Variants in DDX17 observed in about 807,000 individuals in gnomAD.
DDX17 encodes the protein DEAD-box helicase 17, also known as probable ATP-dependent RNA helicase DDX17.
In DDX17, 10 loss-of-function variants were observed where a neutral mutation model predicts 80.8. The ratio of observed to expected loss-of-function variants is 0.12; its 90% CI spans 0.08 to 0.21. The LOEUF (loss-of-function observed/expected upper bound fraction) is 0.21. Ranked by LOEUF, DDX17 falls within the 10% of genes least tolerant of loss-of-function variation. The pLI is 1.00. For synonymous variants in DDX17, 339 were observed against 336.2 expected (o/e 1.01, Z -0.09); for missense variants, 586 against 957.4 (o/e 0.61, Z 5.12).
At chr22:38,501,377 C>A in intron 1 of DDX17, 97 bp from the exon 2 acceptor site, 1 of 1,357,222 alleles carries the variant, frequency 7.4e-7, no homozygotes, top group Non-Finnish European at 9.8e-7. Flanking sequence ...TCTAGGGATA[C>A]TACCAGCCTA....
chr22:38,502,077 G>C (rs2089836278), intron 1 of DDX17, among the ~76,000 whole-genome samples: 1 of 152,216 alleles, frequency 6.6e-6, no homozygotes, highest in Non-Finnish European at 1.5e-5. Flanking sequence ...TCTTGGAAAG[G>C]ACTGGTAGAC....
In DDX17 at chr22:38,506,228, C is replaced by T; in HGVS notation, c.10G>A (p.Gly4Ser). ...ACACAGAGAATCGGGGCTACAAAGC[C>T]GGTGGGCAGGTTTGGCTACGCTCAA... is the stretch of plus-strand genomic sequence containing the variant. The change falls in exon 1 of 13, where the codon GGC (glycine) becomes AGC (serine). Residue 4 changes from glycine to serine, a missense_variant. Physicochemically the swap from Gly to Ser is moderately conservative, Grantham distance 56. Coordinates refer to ENST00000403230, the MANE Select transcript of DDX17 (RefSeq NM_006386.5). 2 of 1,604,440 alleles carry T rather than the reference C, an allele frequency of 1.2e-6. No homozygotes were observed. The highest frequency in any genetic ancestry group is 1.7e-6 in the Non-Finnish European group (2 of 1,176,222).
intron 11 of DDX17, chr22:38,490,475 GTT>G (rs1481640291): frequency 7.8e-7 from 1 of 1,282,004 alleles, no homozygotes; most frequent in Non-Finnish European, 1.0e-6. Flanking sequence ...AATACTTTTA[GTT>G]TAACAGTGTG....
Position 38,492,109 on chromosome 22 carries a change from C to T in DDX17, c.1394G>A (p.Arg465His), listed in dbSNP as rs762550214. 6.2e-7 allele frequency: 1 copy of T among 1,610,000 alleles called. No homozygotes were observed. ...AATAAGGATGGGTGCCTTTCCAGAACGGAACTCTGTAAAAACAAACAATAA... is the reference window on the plus strand; with the variant it reads ...AATAAGGATGGGTGCCTTTCCAGAATGGAACTCTGTAAAAACAAACAATAA... The change falls in exon 11 of 13, where the codon CGT (arginine) becomes CAT (histidine). Residue 465 changes from arginine (R) to histidine (H), a missense_variant. This residue lies in a region of DDX17 where 141 missense variants were observed against 379.3 expected (regional missense o/e 0.37). Transcript: ENST00000403230.
At chr22:38,505,541 G>A (rs1051672185) in intron 1 of DDX17, 1 of 183,124 alleles carries the variant, frequency 5.5e-6, no homozygotes, top group Non-Finnish European at 1.1e-5. Flanking sequence ...TGTTCTCTCA[G>A]GAAGATCCGC....
intron 11 of DDX17, chr22:38,488,822 A>G (rs1236912596): frequency 9.1e-6 from 9 of 985,456 alleles, no homozygotes; most frequent in African/African-American, 1.7e-5. Flanking sequence ...TACCAAGCCC[A>G]GCTTCTGCCA....
intron 5 of DDX17, among the ~76,000 whole-genome samples, chr22:38,497,837 C>T (rs1173394503): frequency 6.6e-6 from 1 of 152,040 alleles, no homozygotes; most frequent in Non-Finnish European, 1.5e-5. Context: ...ATTTACTGCA[C>T]AGTAAATGCC....
intron 2 of DDX17, among the ~76,000 whole-genome samples, chr22:38,499,959 G>C (rs1313883757): frequency 6.6e-6 from 1 of 151,416 alleles, no homozygotes; most frequent in South Asian, 2.1e-4. Flanking sequence ...GAGGTCAGGA[G>C]TTTGAGACCA....
chr22:38,504,119 C>G (rs927283474), intron 1 of DDX17, among the ~76,000 whole-genome samples: 1 of 152,194 alleles, frequency 6.6e-6, no homozygotes, highest in Non-Finnish European at 1.5e-5. Context: ...GTGCCTATTT[C>G]AAGCTTACAA....
At position 38,487,879 on chromosome 22, in the gene DDX17, C is replaced by T; in HGVS notation, c.1684G>A (p.Gly562Ser). ...GGAAAACTCCAGGACTTACCCTTAC[C>T]CCCGCCTCCGCCGCCTCCTCTGTGG... Residue 562 changes from glycine (G) to serine (S), a missense_variant and splice_region_variant, in exon 12 of 13, where the codon GGT becomes AGT. Transcript: ENST00000403230. 1 of 1,614,106 alleles carries T rather than the reference C, an allele frequency of 6.2e-7. No homozygotes were observed. Among genetic ancestry groups the T allele is most frequent in the Non-Finnish European group, 8.5e-7 (1 of 1,180,030 alleles).
rs1384813025 is a variant in DDX17 at position 38,494,004 on chromosome 22, C to A, written c.1325+17G>T. 6.3e-7 allele frequency: 1 copy of A among 1,580,592 alleles called. No homozygotes were observed. Among genetic ancestry groups the A allele is most frequent in the African/African-American group, 1.4e-5 (1 of 73,692 alleles). Reference sequence around the variant, plus strand: ...AACTATAAAACCAGAGGTTAATTGCCTTGGTGCTATACTCACCCATCTCTG... The same window carrying A: ...AACTATAAAACCAGAGGTTAATTGCATTGGTGCTATACTCACCCATCTCTG... On this transcript the variant is annotated intron_variant, in intron 9 of 12. Coordinates refer to ENST00000403230, the MANE Select transcript of DDX17 (RefSeq NM_006386.5).
At chr22:38,493,853 A>G (rs1454494880) in intron 9 of DDX17, 82 bp from the exon 10 acceptor site, 2 of 1,435,628 alleles carry the variant, frequency 1.4e-6, no homozygotes. Flanking sequence ...GCTATCATGC[A>G]ATTTTTGTAA....
At chr22:38,500,016 T>A (rs577790553) in intron 2 of DDX17, among the ~76,000 whole-genome samples, 1,952 of 147,058 alleles carry the variant, frequency 0.013, 41 homozygotes, top group African/African-American at 0.039. Context: ...AAAAAAAAAA[T>A]AAATAATAAA....
intron 6 of DDX17, among the ~76,000 whole-genome samples, chr22:38,495,579 C>A (rs2089755163): frequency 6.6e-6 from 1 of 152,156 alleles, no homozygotes; most frequent in Non-Finnish European, 1.5e-5. Flanking sequence ...AACCGCAAAA[C>A]CATGTCAGGA....
rs1237722686 is a variant in DDX17 at position 38,489,969 on chromosome 22, G to A, written c.1448-1854C>T. 3.0e-6 allele frequency: 3 copies of A among 1,013,086 alleles called. No individual in the cohort carries two copies. Among genetic ancestry groups the A allele is most frequent in the African/African-American group, 3.5e-5 (2 of 57,816 alleles). 62.8% of individuals were successfully genotyped at this position (1,013,086 alleles called of 1,614,324 possible). A position where few individuals can be genotyped will look rare whatever the true frequency, so the allele number is the denominator to read the frequency against. On this transcript the variant is annotated intron_variant, in intron 11 of 12. Transcript: ENST00000403230. The surrounding 1 kb of genome is among the most constrained non-coding windows in gnomAD (Gnocchi z 4.6). Reference sequence around the variant, plus strand: ...TTACTACACTGGATGCGTTAAGTGTGCTTTCCTAGCAGAAAGCACCAGGGT... The same window carrying A: ...TTACTACACTGGATGCGTTAAGTGTACTTTCCTAGCAGAAAGCACCAGGGT...
chr22:38,495,663 G>C (rs1039278689), intron 6 of DDX17, 133 bp downstream of exon 6: 1 of 684,170 alleles, frequency 1.5e-6, no homozygotes, highest in African/African-American at 1.8e-5. Context: ...AGCTGTTTTA[G>C]TCACATCTGA....
intron 9 of DDX17, 43 bp from the exon 10 acceptor site, chr22:38,493,814 G>C (rs777144447): frequency 1.3e-6 from 2 of 1,587,324 alleles, no homozygotes; most frequent in African/African-American, 1.3e-5. Context: ...ATCTTTTAAA[G>C]TGGAGAAAAT....
At chr22:38,503,455 C>T (rs1569143968) in intron 1 of DDX17, among the ~76,000 whole-genome samples, 1 of 152,082 alleles carries the variant, frequency 6.6e-6, no homozygotes, top group Non-Finnish European at 1.5e-5. Flanking sequence ...ACTTCCCTGG[C>T]TATTTATTCA....
In DDX17 at chr22:38,485,989, C is replaced by G; in HGVS notation, c.2136G>C (p.Gln712His). The G allele has an allele frequency of 6.2e-7, 1 of 1,613,950 alleles. No homozygotes were observed. The highest frequency in any genetic ancestry group is 8.5e-7 in the Non-Finnish European group (1 of 1,179,982). Residue 712 changes from glutamine (Q) to histidine (H), a missense_variant, in exon 13 of 13, where the codon CAG becomes CAC. Transcript: ENST00000403230. ...GAGGAGGAGGGTATTGGTAGGCAGT[C>G]TGCCCCATGTAACCTATCATATTGG...
Sources: gnomAD v4.1 joint callset for allele counts (sites outside exome capture counted in the v4.1 genomes callset) on GRCh38, gnomAD v4.1.1 for gene constraint, gnomAD v4.1.1 regional missense constraint, Gnocchi (gnomAD v3.1) non-coding constraint, MANE v1.5 for transcripts, NCBI Gene and HGNC (gene_info 2026-07-23, HGNC 2026-07-21) for gene names.